The following SPOCK3 variants were observed in gnomAD, a reference collection of about 807,000 sequenced individuals.
SPOCK3 encodes testican-3.
SPOCK3 carries 30 observed loss-of-function variants against 56.6 expected under a neutral mutation model. The observed-to-expected ratio is 0.53, with a 90% CI of 0.40 to 0.72. SPOCK3 has a LOEUF of 0.72. Among genes scored for constraint, SPOCK3 ranks in the 30% least tolerant of loss-of-function variants. SPOCK3 has a pLI of 0.00. For synonymous variants in SPOCK3, 196 were observed against 183.3 expected, an observed-to-expected ratio of 1.07 and a Z score of -0.56; for missense variants, 527 against 530.0, an observed-to-expected ratio of 0.99 and a Z score of 0.06.
At chr4:166,803,967 A>T (rs984132879) in intron 6 of SPOCK3, among the ~76,000 whole-genome samples, 1 of 152,170 alleles carries the variant, frequency 6.6e-6, no homozygotes, top group African/African-American at 2.4e-5. Context: ...CAAAGAAACC[A>T]CAGAACCATG....
intron 2 of SPOCK3, among the ~76,000 whole-genome samples, chr4:167,173,407 T>A (rs980497503): frequency 6.6e-6 from 1 of 152,178 alleles, no homozygotes; most frequent in Non-Finnish European, 1.5e-5. Context: ...AGTTTGAGGC[T>A]GTATTTCCAA....
Position 166,734,365 on chromosome 4 carries a change from C to T in SPOCK3, c.*556G>A, listed in dbSNP as rs1352001404. 1 of 151,746 alleles carries T rather than the reference C, an allele frequency of 6.6e-6. No homozygotes were observed. Among genetic ancestry groups the T allele is most frequent in the Non-Finnish European group, 1.5e-5 (1 of 67,812 alleles). 9.4% of individuals were successfully genotyped at this position (151,746 alleles called of 1,614,324 possible). ...AGAATAATTTCATAGGTAAAAACAC[C>T]ACTATTAATGTAAACACAATTGAGG... is the stretch of plus-strand genomic sequence containing the variant. On this transcript the variant is annotated 3_prime_UTR_variant, in exon 11 of 11. Transcript: ENST00000357545.
intron 2 of SPOCK3, among the ~76,000 whole-genome samples, chr4:167,100,298 C>T (rs1181979526): frequency 1.3e-5 from 2 of 152,074 alleles, no homozygotes; most frequent in African/African-American, 4.8e-5. Flanking sequence ...TCAGTAGCTG[C>T]CAGCTTTCTC....
intron 3 of SPOCK3, among the ~76,000 whole-genome samples, chr4:167,040,914 A>G (rs535120731): frequency 5.5e-4 from 84 of 152,348 alleles, no homozygotes; most frequent in Middle Eastern, 3.4e-3. Flanking sequence ...TGATTTATAC[A>G]AAGTTACAGT....
chr4:166,783,421 GA>G (rs1579213899), intron 7 of SPOCK3, among the ~76,000 whole-genome samples: 1 of 151,938 alleles, frequency 6.6e-6, no homozygotes, highest in Non-Finnish European at 1.5e-5. Context: ...TCTACCTCAT[GA>G]AAAAAGGGAA....
intron 6 of SPOCK3, among the ~76,000 whole-genome samples, chr4:166,884,999 C>T (rs561873287): frequency 6.6e-6 from 1 of 151,742 alleles, no homozygotes; most frequent in East Asian, 1.9e-4. Context: ...ATAAAAGAAA[C>T]CTCTAGTATT....
rs1378131608 is a variant in SPOCK3, at chr4:167,023,938, T to C, written c.236-23475A>G. Among the ~76,000 whole-genome samples the C allele has an allele frequency of 2.6e-5, 4 of 152,060 alleles. No homozygotes were observed. In the East Asian group the frequency reaches 5.8e-4, roughly 22 times the overall value. ...CTTGACCTCCTTGCCCTCTACAAAGTTATTGGTGGGCAGAGGCAGAAAGAA... is the reference window on the plus strand; with the variant it reads ...CTTGACCTCCTTGCCCTCTACAAAGCTATTGGTGGGCAGAGGCAGAAAGAA... On this transcript the variant is annotated intron_variant, in intron 3 of 10. Coordinates refer to ENST00000357545, the MANE Select transcript of SPOCK3 (RefSeq NM_001040159.2).
intron 2 of SPOCK3, among the ~76,000 whole-genome samples, chr4:167,218,405 T>C (rs1735574224): frequency 6.6e-6 from 1 of 152,070 alleles, no homozygotes; most frequent in Non-Finnish European, 1.5e-5. Flanking sequence ...AACCTACACA[T>C]TAGAGCAAAC....
intron 6 of SPOCK3, among the ~76,000 whole-genome samples, chr4:166,798,727 T>A (rs1470417685): frequency 1.3e-5 from 2 of 152,166 alleles, no homozygotes; most frequent in African/African-American, 4.8e-5. Context: ...AGTACCCAAC[T>A]ACAATGTGGA....
chr4:167,220,725 T>A (rs1735829762), intron 2 of SPOCK3, among the ~76,000 whole-genome samples: 1 of 152,050 alleles, frequency 6.6e-6, no homozygotes. Flanking sequence ...CCACATAAGA[T>A]ATTCAGACCT....
rs139759150 is a variant in SPOCK3, at chr4:166,982,469, G to A, written c.350+17880C>T. 8.1e-3 allele frequency among the ~76,000 whole-genome samples: 1,229 copies of A among 152,212 alleles called. 14 individuals are homozygous for A. Among genetic ancestry groups the A allele is most frequent in the African/African-American group, 0.027 (1,125 of 41,554 alleles). ...TGGGAGGCTGAAGAGGGAGAATGGCGTGAACTCGGGAGATGGAGCTTGCAG... is the reference window on the plus strand; with the variant it reads ...TGGGAGGCTGAAGAGGGAGAATGGCATGAACTCGGGAGATGGAGCTTGCAG... On this transcript the variant is annotated intron_variant, in intron 4 of 10. Coordinates refer to ENST00000357545, the MANE Select transcript of SPOCK3 (RefSeq NM_001040159.2).
Position 166,754,736 on chromosome 4 carries a change from GC to G in SPOCK3, c.710-8del. 1 of 1,604,514 alleles carries G rather than the reference GC, an allele frequency of 6.2e-7. No individual in the cohort carries two copies. Among genetic ancestry groups the G allele is most frequent in the African/African-American group, 1.4e-5 (1 of 73,974 alleles). On this transcript the variant is annotated splice_region_variant and splice_polypyrimidine_tract_variant and intron_variant, in intron 7 of 10. Transcript: ENST00000357545. ...AAGATGCTGGTATCGAATCCTAAAG[GC>G]AAAAAAAAGAAAATGATTAGTTAAA... is the stretch of plus-strand genomic sequence containing the variant.
intron 2 of SPOCK3, among the ~76,000 whole-genome samples, chr4:167,081,812 G>T (rs147269304): frequency 0.012 from 1,829 of 152,112 alleles, 44 homozygotes; most frequent in African/African-American, 0.041. Context: ...ATACAGAATG[G>T]ATAAGGTAAT....
chr4:166,967,943 G>C (rs1361425429), intron 4 of SPOCK3, among the ~76,000 whole-genome samples: 2 of 152,214 alleles, frequency 1.3e-5, no homozygotes, highest in Non-Finnish European at 1.5e-5. Context: ...GGTGGTCTCA[G>C]ATGGAGATGA....
At chr4:167,029,200 G>T (rs1752023790) in intron 3 of SPOCK3, among the ~76,000 whole-genome samples, 1 of 151,874 alleles carries the variant, frequency 6.6e-6, no homozygotes, top group African/African-American at 2.4e-5. Flanking sequence ...TTAGTTTGCT[G>T]AGGATAACGG....
At chr4:167,047,141 T>TA (rs943995162) in intron 3 of SPOCK3, among the ~76,000 whole-genome samples, 2 of 152,160 alleles carry the variant, frequency 1.3e-5, no homozygotes, top group African/African-American at 4.8e-5. Flanking sequence ...ATAGTGAATT[T>TA]AAAAGAGAAT....
intron 2 of SPOCK3, among the ~76,000 whole-genome samples, chr4:167,133,128 T>G (rs2150384872): frequency 6.6e-6 from 1 of 152,128 alleles, no homozygotes; most frequent in Admixed American, 6.6e-5. Context: ...TGCAAATGGG[T>G]TTTTCCAAAC....
chr4:166,991,795 G>T (rs1237355179), intron 4 of SPOCK3, among the ~76,000 whole-genome samples: 1 of 152,132 alleles, frequency 6.6e-6, no homozygotes, highest in Non-Finnish European at 1.5e-5. Flanking sequence ...TTACAGTAGA[G>T]AAACTGACAC....
chr4:166,760,901 A>C lies in SPOCK3; in HGVS notation c.710-6172T>G, dbSNP rs1737190658. Among the ~76,000 whole-genome samples, 2 of 41,396 alleles carry C rather than the reference A, an allele frequency of 4.8e-5. 1 individual carries two copies. The highest frequency in any genetic ancestry group is 2.1e-3 in the South Asian group (2 of 958). 27.2% of individuals were successfully genotyped at this position (41,396 alleles called of 152,430 possible). A position where few individuals can be genotyped will look rare whatever the true frequency, so the allele number is the denominator to read the frequency against. On this transcript the variant is annotated intron_variant, in intron 7 of 10. Transcript: ENST00000357545. Reference sequence around the variant, plus strand: ...AAGACAAAATTGACAAATGGGATCTAATTAAACTAAAGAGCTTCTGCACAG... The same window carrying C: ...AAGACAAAATTGACAAATGGGATCTCATTAAACTAAAGAGCTTCTGCACAG...
Sources: allele counts gnomAD v4.1 joint callset (sites outside exome capture counted in the v4.1 genomes callset), GRCh38; gene constraint gnomAD v4.1.1; transcripts MANE v1.5; gene names NCBI Gene and HGNC (gene_info 2026-07-23, HGNC 2026-07-21).